The following RPH3AL variants were observed in gnomAD, a reference collection of about 807,000 sequenced individuals.
RPH3AL encodes the protein rab effector Noc2.
Under a neutral mutation model 43.1 loss-of-function variants are expected in RPH3AL, and 38 were observed. That is an observed-to-expected ratio of 0.88 (90% CI 0.68 to 1.15). The LOEUF is 1.15. RPH3AL is among the 50% of genes most tolerant of loss of function. The pLI is 0.00. For missense variants in RPH3AL, 462 were observed against 423.2 expected (o/e 1.09, Z -0.81); for synonymous variants, 189 against 176.3 (o/e 1.07, Z -0.57).
intron 6 of RPH3AL, among the ~76,000 whole-genome samples, chr17:277,850 G>T (rs2042690032): frequency 6.6e-6 from 1 of 152,146 alleles, no homozygotes; most frequent in Non-Finnish European, 1.5e-5. Flanking sequence ...AGCTATTCGG[G>T]AGGCTGAGGG....
At chr17:268,288 G>A (rs190840806) in intron 6 of RPH3AL, among the ~76,000 whole-genome samples, 36 of 152,078 alleles carry the variant, frequency 2.4e-4, no homozygotes, top group African/African-American at 6.5e-4. Flanking sequence ...TACCCAACAC[G>A]AAGACGATGA....
At position 264,900 on chromosome 17, in the gene RPH3AL, T is replaced by C. The variant is rs1194087714; in HGVS notation, c.438+16868A>G. Among the ~76,000 whole-genome samples, 3 of 152,332 alleles carry C rather than the reference T, an allele frequency of 2.0e-5. No homozygotes were observed. The East Asian group carries it at 5.8e-4, about 29-fold the overall frequency. ...ATGCAAGACAAAACTCAGTCTAAAT[T>C]ACTAATGTACACATAACTGCAAAAC... On this transcript the variant is annotated intron_variant, in intron 6 of 9. Coordinates refer to ENST00000331302, the MANE Select transcript of RPH3AL (RefSeq NM_006987.4). This position sits in a 1 kb window ranked among gnomAD's most constrained non-coding sequence, Gnocchi z 4.8.
intron 5 of RPH3AL, among the ~76,000 whole-genome samples, chr17:293,177 C>T (rs898049680): frequency 1.2e-4 from 18 of 152,202 alleles, no homozygotes; most frequent in African/African-American, 4.1e-4. Flanking sequence ...CCACCTCTCC[C>T]AGTTGAAAGC....
intron 5 of RPH3AL, among the ~76,000 whole-genome samples, chr17:313,710 G>A (rs1013360664): frequency 1.3e-5 from 2 of 152,202 alleles, no homozygotes; most frequent in Non-Finnish European, 2.9e-5. Flanking sequence ...AGGGTGGACT[G>A]TGTCCATCTC....
At chr17:242,571 AC>A (rs1567576510) in intron 7 of RPH3AL, among the ~76,000 whole-genome samples, 33 of 113,190 alleles carry the variant, frequency 2.9e-4, no homozygotes, top group African/African-American at 7.7e-4. Flanking sequence ...TCCTCTATTG[AC>A]TACCTTCCTC....
intron 1 of RPH3AL, among the ~76,000 whole-genome samples, chr17:340,734 A>ATGGG (rs1430872456): frequency 5.2e-5 from 1 of 19,136 alleles, no homozygotes; most frequent in African/African-American, 2.2e-4. Flanking sequence ...ACTGCCCCCC[A>ATGGG]CCCAGGCCTC....
intron 5 of RPH3AL, among the ~76,000 whole-genome samples, chr17:296,175 C>A (rs1157518021): frequency 9.5e-6 from 1 of 104,846 alleles, no homozygotes; most frequent in African/African-American, 3.8e-5. Flanking sequence ...CAGACATGAA[C>A]GGGCAGAGGG....
intron 8 of RPH3AL, among the ~76,000 whole-genome samples, chr17:217,146 T>A (rs553147799): frequency 2.0e-5 from 3 of 146,514 alleles, no homozygotes; most frequent in Non-Finnish European, 4.5e-5. Context: ...TTAGTTCCCA[T>A]CTGGGGCAGT....
chr17:321,761 A>G (rs2044487880), intron 3 of RPH3AL: 1 of 262,688 alleles, frequency 3.8e-6, no homozygotes, highest in Non-Finnish European at 7.2e-6. Flanking sequence ...CGGGCAACAG[A>G]GACGGGGCAG....
intron 5 of RPH3AL, among the ~76,000 whole-genome samples, chr17:286,368 A>C (rs1426507653): frequency 6.6e-6 from 1 of 151,898 alleles, no homozygotes; most frequent in Non-Finnish European, 1.5e-5. Context: ...CTACCAACCA[A>C]CGCTGGCGGC....
intron 5 of RPH3AL, among the ~76,000 whole-genome samples, chr17:312,789 C>G (rs529799542): frequency 6.6e-6 from 1 of 152,300 alleles, no homozygotes; most frequent in Admixed American, 6.5e-5. Flanking sequence ...GTGACTTGTA[C>G]GAGACCGCGC....
chr17:272,967 T>TCAGGGA (rs1567604354), intron 6 of RPH3AL, among the ~76,000 whole-genome samples: 1 of 50,454 alleles, frequency 2.0e-5, no homozygotes, highest in African/African-American at 9.0e-5. Context: ...TACGTCAGGG[T>TCAGGGA]GAGACCCCAG....
chr17:262,504 G>A (rs538147189), intron 6 of RPH3AL, among the ~76,000 whole-genome samples: 52 of 147,702 alleles, frequency 3.5e-4, no homozygotes, highest in Admixed American at 8.1e-4. Context: ...GTGAGCCACC[G>A]CACCCGGCCA....
intron 7 of RPH3AL, among the ~76,000 whole-genome samples, chr17:223,863 C>T (rs34778113): frequency 1.3e-5 from 2 of 152,270 alleles, no homozygotes; most frequent in African/African-American, 4.8e-5. Context: ...CAACCCTGTG[C>T]ACCCGCAGCA....
rs557427366 is a variant in RPH3AL at position 249,987 on chromosome 17, AG to A, written c.439-2703del. On this transcript the variant is annotated intron_variant, in intron 6 of 9. Coordinates refer to ENST00000331302, the MANE Select transcript of RPH3AL (RefSeq NM_006987.4). Reference sequence around the variant, plus strand: ...GCTCCGTCGCTGCAGGACCTCTCGGAGCCTTTACTAAGCTCCATCGCTGCGG... The same window carrying A: ...GCTCCGTCGCTGCAGGACCTCTCGGACCTTTACTAAGCTCCATCGCTGCGG... Among the ~76,000 whole-genome samples the A allele has an allele frequency of 2.6e-3, 365 of 139,748 alleles. 2 individuals carry two copies. The highest frequency in any genetic ancestry group is 9.2e-3 in the African/African-American group (334 of 36,288). The allele number at this position is 139,748 out of a possible 152,430, so 91.7% of individuals were successfully genotyped here. A position where few individuals can be genotyped will look rare whatever the true frequency, so the allele number is the denominator to read the frequency against.
chr17:267,414 G>A (rs570101762), intron 6 of RPH3AL, among the ~76,000 whole-genome samples: 135 of 152,332 alleles, frequency 8.9e-4, no homozygotes, highest in African/African-American at 3.0e-3. Context: ...GGCTGGAGGC[G>A]GAAAATTGGA....
intron 5 of RPH3AL, among the ~76,000 whole-genome samples, chr17:292,394 A>G (rs1018646764): frequency 6.6e-6 from 1 of 152,240 alleles, no homozygotes; most frequent in African/African-American, 2.4e-5. Context: ...AATTACAAAT[A>G]TTTATATACT....
At chr17:340,360 A>G (rs1276332763) in intron 1 of RPH3AL, among the ~76,000 whole-genome samples, 3 of 145,018 alleles carry the variant, frequency 2.1e-5, no homozygotes, top group Non-Finnish European at 3.0e-5. Flanking sequence ...CCACATCCAC[A>G]CTCACTGCCC....
Position 333,201 on chromosome 17 carries a change from G to A in RPH3AL, c.-37+558C>T, listed in dbSNP as rs1262136396. On this transcript the variant is annotated intron_variant, in intron 2 of 9. Coordinates refer to ENST00000331302, the MANE Select transcript of RPH3AL (RefSeq NM_006987.4). This position sits in a 1 kb window ranked among gnomAD's most constrained non-coding sequence, Gnocchi z 4.5. ...AGACATCACTGCAGACACAGAGAAG[G>A]CCATTAGAGCTCACCACCCCGGGCG... 3 of 791,310 alleles carry A rather than the reference G, an allele frequency of 3.8e-6. No individual in the cohort carries two copies. The highest frequency in any genetic ancestry group is 5.3e-6 in the Non-Finnish European group (3 of 571,232). The allele number at this position is 791,310 out of a possible 1,614,324, so 49.0% of individuals were successfully genotyped here. A position where few individuals can be genotyped will look rare whatever the true frequency, so the allele number is the denominator to read the frequency against.
Sources: gnomAD v4.1 joint callset for allele counts (sites outside exome capture counted in the v4.1 genomes callset) on GRCh38, gnomAD v4.1.1 for gene constraint, Gnocchi (gnomAD v3.1) non-coding constraint, MANE v1.5 for transcripts, NCBI Gene and HGNC (gene_info 2026-07-23, HGNC 2026-07-21) for gene names.